Variants in FGF23 observed in about 807,000 individuals in gnomAD.
The protein encoded by FGF23 is phosphatonin.
Under a neutral mutation model 9.0 loss-of-function variants are expected in FGF23, and 8 were observed. That is an observed-to-expected ratio of 0.89 (90% CI 0.52 to 1.60). FGF23 has a LOEUF of 1.60. Ranked by LOEUF, FGF23 falls within the 40% of genes most tolerant of loss-of-function variation. The pLI is 0.00. For synonymous variants in FGF23, 118 were observed against 146.2 expected (o/e 0.81, Z 1.39); for missense variants, 311 against 344.3 (o/e 0.90, Z 0.77).
chr12:4,379,309 C>T (rs564421392), intron 1 of FGF23, 63 bp downstream of exon 1: 1 of 1,487,496 alleles, frequency 6.7e-7, no homozygotes, highest in African/African-American at 1.4e-5. Flanking sequence ...CCAACCTCCC[C>T]AAGCCTCCTG....
rs1175519315 is a variant in FGF23, at chr12:4,378,828, G to A, written c.211+544C>T. On this transcript the variant is annotated intron_variant, in intron 1 of 2. Transcript: ENST00000237837. ...TTGTATACTTGGCCATTCTCACCAA[G>A]ACAACATACATGGACAGTCTGTCTT... Among the ~76,000 whole-genome samples the A allele has an allele frequency of 2.0e-5, 3 of 152,128 alleles. No individual in the cohort carries two copies. In the East Asian group the frequency reaches 5.8e-4, roughly 29 times the overall value.
chr12:4,375,090 C>T (rs746099912), intron 1 of FGF23, among the ~76,000 whole-genome samples: 27 of 152,222 alleles, frequency 1.8e-4, no homozygotes, highest in Non-Finnish European at 3.2e-4. Flanking sequence ...ACTTGCTGAC[C>T]TTGCACTAGC....
At chr12:4,376,034 A>G (rs13312771) in intron 1 of FGF23, among the ~76,000 whole-genome samples, 2,219 of 152,326 alleles carry the variant, frequency 0.015, 53 homozygotes, top group African/African-American at 0.052. Context: ...TTCAATAAAG[A>G]TAGTTCCTAT....
intron 1 of FGF23, 134 bp from the exon 2 acceptor site, chr12:4,372,831 T>G (rs1386648774): frequency 2.8e-5 from 20 of 722,204 alleles, no homozygotes; most frequent in South Asian, 5.8e-5. Flanking sequence ...CACTCTTAAA[T>G]TCAGCCTCAT....
rs1209745441 is a variant in FGF23 at position 4,379,496 on chromosome 12, G to C, written c.87C>G (p.Ser29=). Residue 29 remains serine (S), a synonymous_variant, in exon 1 of 3, where the codon TCC becomes TCG. Transcript: ENST00000237837. ...CACCCCAGCTGGAGCCGAGCAGTGG[G>C]GAGGCATTGGGATAGGCTCTGAGGA... ...MSVLRAYPNA[S]PLLGSSWGGL... 6.2e-7 allele frequency: 1 copy of C among 1,613,100 alleles called. No homozygotes were observed. Among genetic ancestry groups the C allele is most frequent in the East Asian group, 2.2e-5 (1 of 44,884 alleles).
chr12:4,372,980 TTCTC>T (rs1865079902), intron 1 of FGF23, among the ~76,000 whole-genome samples: 1 of 152,182 alleles, frequency 6.6e-6, no homozygotes, highest in African/African-American at 2.4e-5. Context: ...GAACACATGT[TTCTC>T]TCTCTCTACC....
In FGF23 at chr12:4,369,602, G is replaced by A. The variant is rs1865037967; in HGVS notation, c.*741C>T. On this transcript the variant is annotated 3_prime_UTR_variant, in exon 3 of 3. Transcript: ENST00000237837. ...TGGGAACAGAGTGGGGCCATTCTGG[G>A]CCCTCTGGCTGTGGCTGCACAGAGG... The A allele has an allele frequency of 4.4e-6, 1 of 229,532 alleles. No homozygotes were observed. The highest frequency in any genetic ancestry group is 2.2e-5 in the African/African-American group (1 of 45,096). The allele number at this position is 229,532 out of a possible 1,614,324, so 14.2% of individuals were successfully genotyped here. A position where few individuals can be genotyped will look rare whatever the true frequency, so the allele number is the denominator to read the frequency against.
chr12:4,371,547 T>G (rs1010324225), intron 2 of FGF23, among the ~76,000 whole-genome samples: 3 of 152,240 alleles, frequency 2.0e-5, no homozygotes, highest in African/African-American at 7.2e-5. Context: ...CAGAGACTCC[T>G]GAGATAAGCA....
At chr12:4,378,729 GAT>G (rs1313318400) in intron 1 of FGF23, among the ~76,000 whole-genome samples, 1 of 16,028 alleles carries the variant, frequency 6.2e-5, no homozygotes, top group Non-Finnish European at 2.6e-4. Context: ...CTGTTGGATG[GAT>G]GGATGGATGG....
intron 2 of FGF23, among the ~76,000 whole-genome samples, chr12:4,372,236 T>G: frequency 1.4e-5 from 2 of 145,122 alleles, no homozygotes; most frequent in Admixed American, 6.8e-5. Flanking sequence ...AGATGATGAG[T>G]TAGTGGGTGC....
rs752187740 is a variant in FGF23, at chr12:4,379,532, G to A, written c.51C>T (p.Cys17=). 52 of 1,611,898 alleles carry A rather than the reference G, an allele frequency of 3.2e-5. No homozygotes were observed. Among genetic ancestry groups the A allele is most frequent in the Non-Finnish European group, 4.4e-5 (52 of 1,179,978 alleles). ...GATAGGCTCTGAGGACGCTCATGCT[G>A]CAGACGCTGCACAAGGCACAGACCC... ...RLWVCALCSV[C]SMSVLRAYPN... is the part of the protein sequence containing the mutation. The change falls in exon 1 of 3, where the codon TGC becomes TGT. Residue 17 remains cysteine (C), a synonymous_variant. Coordinates refer to ENST00000237837, the MANE Select transcript of FGF23 (RefSeq NM_020638.3).
intron 1 of FGF23, among the ~76,000 whole-genome samples, chr12:4,377,733 A>G (rs1865134758): frequency 1.3e-5 from 2 of 150,414 alleles, no homozygotes; most frequent in Admixed American, 6.6e-5. Flanking sequence ...CCTGGCCCAC[A>G]TATAGTCTTG....
Position 4,369,505 on chromosome 12 carries a change from T to A in FGF23, c.*838A>T, listed in dbSNP as rs1452667559. The A allele has an allele frequency of 8.8e-6, 2 of 228,002 alleles. No individual in the cohort carries two copies. The highest frequency in any genetic ancestry group is 5.7e-5 in the Admixed American group (1 of 17,510). 14.1% of individuals were successfully genotyped at this position (228,002 alleles called of 1,614,324 possible). ...GATTTTCGTGAGCCAGTGTAAAAGC[T>A]ATTTATTCCTTAGACCAAATTTTCA... is the stretch of plus-strand genomic sequence containing the variant. On this transcript the variant is annotated 3_prime_UTR_variant, in exon 3 of 3. Coordinates refer to ENST00000237837, the MANE Select transcript of FGF23 (RefSeq NM_020638.3).
Position 4,370,581 on chromosome 12 carries a change from A to G in FGF23, c.518T>C (p.Ile173Thr), listed in dbSNP as rs1359668015. 6.2e-7 allele frequency: 1 copy of G among 1,613,392 alleles called. No individual in the cohort carries two copies. The highest frequency in any genetic ancestry group is 8.5e-7 in the Non-Finnish European group (1 of 1,179,592). Residue 173 changes from isoleucine to threonine, a missense_variant, in exon 3 of 3, where the codon ATA (isoleucine) becomes ACA (threonine). Ile to Thr is a moderately conservative substitution (Grantham distance 89, BLOSUM62 -1). Around this residue, in one of 3 missense-constraint regions of FGF23, gnomAD observed 206 missense variants for 219.2 expected, o/e 0.94. Coordinates refer to ENST00000237837, the MANE Select transcript of FGF23 (RefSeq NM_020638.3). ...GGCGCTCCGGGTGTGCCGCCGTGGT[A>G]TGGGGGTGTTGAAGTGAATTAGGGG... ...EIPLIHFNTP[I>T]PRRHTRSAED...
Position 4,370,721 on chromosome 12 carries a change from G to A in FGF23, c.378C>T (p.Val126=), listed in dbSNP as rs749183980. ...QHQTLENGYD[V]YHSPQYHFLV... is the part of the protein sequence containing the mutation. Reference sequence around the variant, plus strand: ...GGAAGTGATACTGAGGAGAGTGGTAGACGTCGTACCCGTTTTCCAGCGTCT... The same window carrying A: ...GGAAGTGATACTGAGGAGAGTGGTAAACGTCGTACCCGTTTTCCAGCGTCT... Residue 126 remains valine (V), a synonymous_variant, in exon 3 of 3, where the codon GTC becomes GTT. Coordinates refer to ENST00000237837, the MANE Select transcript of FGF23 (RefSeq NM_020638.3). 3 of 1,614,196 alleles carry A rather than the reference G, an allele frequency of 1.9e-6. No individual in the cohort carries two copies. The South Asian group carries it at 3.3e-5, about 18-fold the overall frequency.
At chr12:4,378,746 ATGGATG>A (rs1865145471) in intron 1 of FGF23, among the ~76,000 whole-genome samples, 1 of 151,814 alleles carries the variant, frequency 6.6e-6, no homozygotes, top group Non-Finnish European at 1.5e-5. Context: ...GGATGGATGG[ATGGATG>A]GATGGATGGA....
chr12:4,372,743 C>T, intron 1 of FGF23, 46 bp from the exon 2 acceptor site: 1 of 1,271,064 alleles, frequency 7.9e-7, no homozygotes, highest in Non-Finnish European at 1.2e-6. Flanking sequence ...CCATCCAATT[C>T]CCACCTTCAA....
chr12:4,376,839 T>G (rs886693572), intron 1 of FGF23, among the ~76,000 whole-genome samples: 9 of 152,052 alleles, frequency 5.9e-5, no homozygotes, highest in Admixed American at 5.9e-4. Context: ...AACTTTTAAT[T>G]GTAGTGTGTA....
chr12:4,372,833 C>G, intron 1 of FGF23, 136 bp from the exon 2 acceptor site: 1 of 721,894 alleles, frequency 1.4e-6, no homozygotes, highest in East Asian at 2.6e-5. Flanking sequence ...CTCTTAAATT[C>G]AGCCTCATTT....
Sources: gnomAD v4.1 joint callset for allele counts (sites outside exome capture counted in the v4.1 genomes callset) on GRCh38, gnomAD v4.1.1 for gene constraint, gnomAD v4.1.1 regional missense constraint, MANE v1.5 for transcripts, NCBI Gene and HGNC (gene_info 2026-07-23, HGNC 2026-07-21) for gene names.